The following XIRP2 variants were observed in gnomAD, a reference collection of about 807,000 sequenced individuals.
XIRP2 encodes xin actin-binding repeat-containing protein 2.
In XIRP2, 236 loss-of-function variants were observed where a neutral mutation model predicts 277.0. That is an observed-to-expected ratio of 0.85 (90% CI 0.77 to 0.95). The LOEUF (loss-of-function observed/expected upper bound fraction) is 0.95, where lower values mean the gene tolerates loss of function less well. Among genes scored for constraint, XIRP2 ranks in the 40% least tolerant of loss-of-function variants. The pLI, the probability that XIRP2 is intolerant of heterozygous loss-of-function variation, is 0.00. For missense variants in XIRP2, 4,640 were observed against 4,157.5 expected, an observed-to-expected ratio of 1.12 and a Z score of -3.19; for synonymous variants, 1,490 against 1,416.5, an observed-to-expected ratio of 1.05 and a Z score of -1.17.
At chr2:166,954,541 C>G (rs1321269111) in intron 2 of XIRP2, among the ~76,000 whole-genome samples, 3 of 151,776 alleles carry the variant, frequency 2.0e-5, no homozygotes, top group Non-Finnish European at 4.4e-5. Flanking sequence ...CCAGAAATAC[C>G]ATTGGACCCA....
chr2:167,237,540 A>G (rs1694936133), intron 5 of XIRP2, among the ~76,000 whole-genome samples: 1 of 152,206 alleles, frequency 6.6e-6, no homozygotes, highest in South Asian at 2.1e-4. Flanking sequence ...CCATGTTAAA[A>G]TATGAACACA....
At position 167,258,581 on chromosome 2, in the gene XIRP2, C is replaced by T. The variant is rs1266238890; in HGVS notation, c.*764C>T. On this transcript the variant is annotated 3_prime_UTR_variant, in exon 11 of 11. Coordinates refer to ENST00000409195, the MANE Select transcript of XIRP2 (RefSeq NM_152381.6). ...AAAGGAGAAAAATGAAAAAACTAACCAAACTAATGGTGCAGAAGTTTTACA... is the reference window on the plus strand; with the variant it reads ...AAAGGAGAAAAATGAAAAAACTAACTAAACTAATGGTGCAGAAGTTTTACA... The T allele has an allele frequency of 6.2e-7, 1 of 1,612,840 alleles. No homozygotes were observed. The highest frequency in any genetic ancestry group is 8.5e-7 in the Non-Finnish European group (1 of 1,179,488).
intron 2 of XIRP2, among the ~76,000 whole-genome samples, chr2:166,909,823 T>G (rs1010170917): frequency 1.3e-5 from 2 of 152,236 alleles, no homozygotes; most frequent in African/African-American, 2.4e-5. Flanking sequence ...TAGCATGAAG[T>G]GCTGTTGAAT....
At position 167,258,454 on chromosome 2, in the gene XIRP2, G is replaced by A. The variant is rs1260953190; in HGVS notation, c.*637G>A. ...AAGATGAAAAGAAGGAAGGAAGGAA[G>A]AATGTGCAAGATAGGCCGAGTGAAG... On this transcript the variant is annotated 3_prime_UTR_variant, in exon 11 of 11. Coordinates refer to ENST00000409195, the MANE Select transcript of XIRP2 (RefSeq NM_152381.6). 3.7e-6 allele frequency: 6 copies of A among 1,612,240 alleles called. No individual in the cohort carries two copies. Among genetic ancestry groups the A allele is most frequent in the South Asian group, 3.3e-5 (3 of 91,010 alleles).
chr2:167,249,245 C>CTCGGATACTAGGAGTGTGT lies in XIRP2; in HGVS notation c.7856_7874dup (p.Asn2627ThrfsTer6). 1.2e-6 allele frequency: 2 copies of CTCGGATACTAGGAGTGTGT among 1,613,710 alleles called. No homozygotes were observed. Among genetic ancestry groups the CTCGGATACTAGGAGTGTGT allele is most frequent in the Non-Finnish European group, 1.7e-6 (2 of 1,179,760 alleles). ...CCCAGCCCAGGCTCTCAAAGTAATG[C>CTCGGATACTAGGAGTGTGT]TCGGATACTAGGAGTGTGTTCTGAT... is the stretch of plus-strand genomic sequence containing the variant. On this transcript the variant is annotated frameshift_variant, in exon 9 of 11. Coordinates refer to ENST00000409195, the MANE Select transcript of XIRP2 (RefSeq NM_152381.6). LOFTEE classifies it high-confidence loss of function.
intron 2 of XIRP2, among the ~76,000 whole-genome samples, chr2:166,959,917 G>A (rs1054006409): frequency 6.6e-5 from 10 of 151,720 alleles, no homozygotes; most frequent in African/African-American, 2.4e-4. Flanking sequence ...GAGATGAATG[G>A]TAGCTGAGGT....
Position 167,077,356 on chromosome 2 carries a change from C to T in XIRP2, c.409-58553C>T, listed in dbSNP as rs1021642302. 5.3e-5 allele frequency among the ~76,000 whole-genome samples: 8 copies of T among 151,680 alleles called. No individual in the cohort carries two copies. In the South Asian group the frequency reaches 8.3e-4, roughly 16 times the overall value. On this transcript the variant is annotated intron_variant, in intron 2 of 10. Transcript: ENST00000409195. Reference sequence around the variant, plus strand: ...TGTAAGTCTTTCTTGGTGCCTATATCGAGTCATTTATTCAACAAATAATTT... The same window carrying T: ...TGTAAGTCTTTCTTGGTGCCTATATTGAGTCATTTATTCAACAAATAATTT...
intron 2 of XIRP2, among the ~76,000 whole-genome samples, chr2:167,119,859 T>C (rs1691002926): frequency 6.6e-6 from 1 of 152,206 alleles, no homozygotes; most frequent in Non-Finnish European, 1.5e-5. Flanking sequence ...CAGTCTGTCA[T>C]GCATGCAAAG....
intron 2 of XIRP2, among the ~76,000 whole-genome samples, chr2:166,987,288 T>C (rs1002224160): frequency 6.6e-6 from 1 of 152,120 alleles, no homozygotes; most frequent in Admixed American, 6.5e-5. Flanking sequence ...TGGGACTAGA[T>C]ATAGAGTAAA....
chr2:167,167,854 T>G (rs1692569587), intron 3 of XIRP2, among the ~76,000 whole-genome samples: 1 of 152,186 alleles, frequency 6.6e-6, no homozygotes, highest in Non-Finnish European at 1.5e-5. Flanking sequence ...CTTATGTAGA[T>G]CCACCTTTCT....
At chr2:167,073,214 G>A (rs77454148) in intron 2 of XIRP2, among the ~76,000 whole-genome samples, 1 of 151,580 alleles carries the variant, frequency 6.6e-6, no homozygotes, top group Non-Finnish European at 1.5e-5. Context: ...TTTCATACTC[G>A]ACTTTTAATC....
At chr2:166,914,999 TA>T (rs1484146277) in intron 2 of XIRP2, among the ~76,000 whole-genome samples, 1 of 151,908 alleles carries the variant, frequency 6.6e-6, no homozygotes, top group Admixed American at 6.6e-5. Context: ...GTTTGTTTTT[TA>T]AAAAAAGACA....
At chr2:167,050,108 T>C (rs930044805) in intron 2 of XIRP2, among the ~76,000 whole-genome samples, 4 of 152,086 alleles carry the variant, frequency 2.6e-5, no homozygotes, top group African/African-American at 9.6e-5. Flanking sequence ...AACAGTATAC[T>C]ATTCACTTTG....
Position 167,244,152 on chromosome 2 carries a change from T to C in XIRP2, c.2760T>C (p.Pro920=). 1 of 1,613,974 alleles carries C rather than the reference T, an allele frequency of 6.2e-7. No homozygotes were observed. The highest frequency in any genetic ancestry group is 1.7e-4 in the Middle Eastern group (1 of 6,060). ...RHQKWIFETQ[P]LEDIRKDKKE... The stretch of plus-strand genomic sequence containing the variant: ...AAAAATGGATTTTTGAAACCCAACC[T>C]CTGGAAGACATTAGAAAAGATAAAA... The change falls in exon 9 of 11, where the codon CCT becomes CCC. Residue 920 remains proline, a synonymous_variant. Coordinates refer to ENST00000409195, the MANE Select transcript of XIRP2 (RefSeq NM_152381.6).
At chr2:167,190,293 G>A (rs1437491272) in intron 3 of XIRP2, among the ~76,000 whole-genome samples, 1 of 152,050 alleles carries the variant, frequency 6.6e-6, no homozygotes, top group Non-Finnish European at 1.5e-5. Context: ...CTTTTCAGAG[G>A]CCAAACATGG....
chr2:166,898,845 T>G lies in XIRP2; in HGVS notation c.-18-4620T>G, dbSNP rs371132237. Among the ~76,000 whole-genome samples the G allele has an allele frequency of 2.6e-4, 39 of 152,264 alleles. 1 individual carries two copies. Among genetic ancestry groups the G allele is most frequent in the Non-Finnish European group, 2.9e-4 (20 of 68,014 alleles). On this transcript the variant is annotated intron_variant, in intron 1 of 10. Coordinates refer to ENST00000409195, the MANE Select transcript of XIRP2 (RefSeq NM_152381.6). ...TCTGCACATTTGTAATTTTGTCATT[T>G]CAAGAATGTTATTGAAACGGTACTT...
chr2:167,247,460 A>G lies in XIRP2; in HGVS notation c.6068A>G (p.Lys2023Arg). 6.2e-7 allele frequency: 1 copy of G among 1,613,724 alleles called. No individual in the cohort carries two copies. The highest frequency in any genetic ancestry group is 8.5e-7 in the Non-Finnish European group (1 of 1,179,766). ...RTEVNLPKAP[K>R]GTVKIVIDRE... is the part of the protein sequence containing the mutation. ...GAGGTTAATCTTCCAAAAGCCCCCA[A>G]AGGCACTGTAAAGATTGTCATAGAT... The change falls in exon 9 of 11, where the codon AAA (lysine) becomes AGA (arginine). Residue 2023 changes from lysine (K) to arginine (R), a missense_variant. Coordinates refer to ENST00000409195, the MANE Select transcript of XIRP2 (RefSeq NM_152381.6).
rs961223743 is a variant in XIRP2, at chr2:167,099,626, C to T, written c.409-36283C>T. ...CCAATTTTGTGCTTGAAACCCAGGG[C>T]CCTTGTGGTGTAGGCACCCGAGGGA... On this transcript the variant is annotated intron_variant, in intron 2 of 10. Transcript: ENST00000409195. Among the ~76,000 whole-genome samples the T allele has an allele frequency of 3.3e-5, 5 of 152,160 alleles. No individual in the cohort carries two copies. The East Asian group carries it at 9.7e-4, about 30-fold the overall frequency.
At chr2:167,242,287 A>G (rs923580166) in intron 8 of XIRP2, among the ~76,000 whole-genome samples, 9 of 152,230 alleles carry the variant, frequency 5.9e-5, no homozygotes, top group Non-Finnish European at 1.3e-4. Flanking sequence ...TGCATACCAC[A>G]TTAAGGGAAA....
Sources: allele counts gnomAD v4.1 joint callset (sites outside exome capture counted in the v4.1 genomes callset), GRCh38; gene constraint gnomAD v4.1.1; transcripts MANE v1.5; gene names NCBI Gene and HGNC (gene_info 2026-07-23, HGNC 2026-07-21).